The following CENPN variants were observed in gnomAD, a reference collection of about 807,000 sequenced individuals.
CENPN encodes centromere protein N, also known as interphase centromere complex protein 32.
In CENPN, 36 loss-of-function variants were observed where a neutral mutation model predicts 48.6. That is an observed-to-expected ratio of 0.74 (90% CI 0.57 to 0.98). The LOEUF is 0.98. CENPN is among the 50% of genes least tolerant of loss of function. The probability of loss-of-function intolerance (pLI) is 0.00; values close to 1 mark genes in which losing one functional copy is unlikely to be tolerated. For synonymous variants in CENPN, 166 were observed against 135.2 expected (o/e 1.23, Z -1.58); for missense variants, 439 against 399.2 (o/e 1.10, Z -0.85).
chr16:81,026,211 G>GTA (rs112948200), intron 8 of CENPN, among the ~76,000 whole-genome samples: 16,703 of 147,342 alleles, frequency 0.11, 994 homozygotes, highest in Admixed American at 0.16. Context: ...ATATGTGTGT[G>GTA]TATATATATA....
chr16:81,022,473 A>G (rs1000459321), intron 6 of CENPN, 124 bp from the exon 7 acceptor site: 3 of 787,770 alleles, frequency 3.8e-6, no homozygotes, highest in Non-Finnish European at 6.1e-6. Flanking sequence ...ATGTTTTTCT[A>G]GACTTCTTTT....
intron 8 of CENPN, among the ~76,000 whole-genome samples, chr16:81,026,105 GTATATATATA>G (rs1230932976): frequency 2.0e-3 from 293 of 143,876 alleles, no homozygotes; most frequent in Admixed American, 3.1e-3. Flanking sequence ...ATATGTGTGT[GTATATATATA>G]TGTATATATA....
chr16:81,020,686 G>C (rs1056416783), intron 6 of CENPN, among the ~76,000 whole-genome samples: 1 of 152,060 alleles, frequency 6.6e-6, no homozygotes, highest in Non-Finnish European at 1.5e-5. Flanking sequence ...CGATACAGAA[G>C]TCTCTAAAGA....
In CENPN at chr16:81,020,150, T is replaced by A; in HGVS notation, c.405T>A (p.Ile135=). 1 of 1,613,644 alleles carries A rather than the reference T, an allele frequency of 6.2e-7. No homozygotes were observed. The highest frequency in any genetic ancestry group is 8.5e-7 in the Non-Finnish European group (1 of 1,179,856). The change falls in exon 6 of 11, where the codon ATT becomes ATA. Residue 135 remains isoleucine, a synonymous_variant. Coordinates refer to ENST00000305850, the MANE Select transcript of CENPN (RefSeq NM_001100624.3). ...AGGAGAATGCAGTCTGGATTCGAAT[T>A]GCCTGGGGAACACAGTACACAAAGC... is the stretch of plus-strand genomic sequence containing the variant. ...ETEENAVWIR[I]AWGTQYTKPN...
chr16:81,026,342 A>C (rs997457027), intron 8 of CENPN, among the ~76,000 whole-genome samples, 184 bp from the exon 9 acceptor site: 1 of 151,508 alleles, frequency 6.6e-6, no homozygotes, highest in Non-Finnish European at 1.5e-5. Flanking sequence ...CTCTTTTATC[A>C]ACCTGTACTT....
At chr16:81,011,369 T>C (rs1232838119) in intron 1 of CENPN, among the ~76,000 whole-genome samples, 3 of 152,176 alleles carry the variant, frequency 2.0e-5, no homozygotes, top group Admixed American at 1.3e-4. Flanking sequence ...GTTGTTTCTC[T>C]CTCCCCACTA....
At chr16:81,021,519 A>G (rs34992819) in intron 6 of CENPN, among the ~76,000 whole-genome samples, 4,609 of 152,238 alleles carry the variant, frequency 0.03, 141 homozygotes, top group African/African-American at 0.076. Context: ...GTGGAGTACC[A>G]AGGACTCCAC....
intron 8 of CENPN, among the ~76,000 whole-genome samples, chr16:81,026,145 A>ATATATATGTGTG (rs1567555428): frequency 1.5e-4 from 22 of 142,002 alleles, no homozygotes; most frequent in African/African-American, 6.1e-4. Context: ...ATATATATGT[A>ATATATATGTGTG]TATATATATG....
Position 81,021,051 on chromosome 16 carries a change from C to T in CENPN, c.531+775C>T, listed in dbSNP as rs190150088. On this transcript the variant is annotated intron_variant, in intron 6 of 10. Coordinates refer to ENST00000305850, the MANE Select transcript of CENPN (RefSeq NM_001100624.3). ...AGGTTGCAGTGAGCCCATATCGCAC[C>T]ATTGCACTCCAGCCTGGGCAACGAG... 2.8e-3 allele frequency among the ~76,000 whole-genome samples: 429 copies of T among 151,116 alleles called. 2 individuals are homozygous for T. Among genetic ancestry groups the T allele is most frequent in the African/African-American group, 0.01 (413 of 41,146 alleles).
intron 7 of CENPN, chr16:81,023,039 G>A (rs1597101686): frequency 1.5e-6 from 1 of 658,394 alleles, no homozygotes; most frequent in East Asian, 3.5e-5. Context: ...AAACAACAGA[G>A]AAGTAGAATT....
chr16:81,013,737 C>T (rs377544914), intron 2 of CENPN, among the ~76,000 whole-genome samples: 1 of 151,680 alleles, frequency 6.6e-6, no homozygotes, highest in East Asian at 1.9e-4. Context: ...AAAAAAGAGA[C>T]ACGAGAAAAT....
At chr16:81,018,935 T>C (rs1315833361) in intron 5 of CENPN, among the ~76,000 whole-genome samples, 2 of 152,214 alleles carry the variant, frequency 1.3e-5, no homozygotes, top group Admixed American at 1.3e-4. Flanking sequence ...AAAGGGAAGC[T>C]GAATCAGAGG....
At position 81,030,017 on chromosome 16, in the gene CENPN, C is replaced by T. The variant is rs1193144116; in HGVS notation, c.*1366C>T. Among the ~76,000 whole-genome samples the T allele has an allele frequency of 1.3e-5, 2 of 152,164 alleles. No individual in the cohort carries two copies. The highest frequency in any genetic ancestry group is 1.9e-4 in the East Asian group (1 of 5,186). On this transcript the variant is annotated 3_prime_UTR_variant, in exon 11 of 11. Coordinates refer to ENST00000305850, the MANE Select transcript of CENPN (RefSeq NM_001100624.3). ...AAGTCATGTCTTACATGGCGGCAGG[C>T]AAGAGAGCTTGTGCAGGGAAACTCC...
rs961851947 is a variant in CENPN, at chr16:81,028,956, C to A, written c.*305C>A. 9.6e-7 allele frequency: 1 copy of A among 1,040,700 alleles called. No individual in the cohort carries two copies. The highest frequency in any genetic ancestry group is 1.2e-6 in the Non-Finnish European group (1 of 866,636). 64.5% of individuals were successfully genotyped at this position (1,040,700 alleles called of 1,614,324 possible). A position where few individuals can be genotyped will look rare whatever the true frequency, so the allele number is the denominator to read the frequency against. On this transcript the variant is annotated 3_prime_UTR_variant, in exon 11 of 11. Transcript: ENST00000305850. The stretch of plus-strand genomic sequence containing the variant: ...GAAATCAAGCATATGGCACAGCGCT[C>A]AAGACTTTTGGGTTTGTGTCCTTTT...
chr16:81,028,159 G>A lies in CENPN; in HGVS notation c.811-12G>A, dbSNP rs745674388. On this transcript the variant is annotated splice_polypyrimidine_tract_variant and intron_variant, in intron 9 of 10. Transcript: ENST00000305850. ...ATATGTTTAATAGTCATTTATAAAT[G>A]TTTGTTGACAGCTTGAAACGAAATT... 1.3e-6 allele frequency: 2 copies of A among 1,587,210 alleles called. No homozygotes were observed. Among genetic ancestry groups the A allele is most frequent in the Non-Finnish European group, 1.7e-6 (2 of 1,155,668 alleles).
In CENPN at chr16:81,029,012, A is replaced by C. The variant is rs1223001993; in HGVS notation, c.*361A>C. 1.2e-5 allele frequency: 12 copies of C among 994,836 alleles called. No individual in the cohort carries two copies. The highest frequency in any genetic ancestry group is 1.4e-5 in the Non-Finnish European group (12 of 836,658). 61.6% of individuals were successfully genotyped at this position (994,836 alleles called of 1,614,324 possible). Reference sequence around the variant, plus strand: ...TGGCTGTCTCTTCTCAATTCTGGAGAGGTCTGGTTCCAGTGGCTGGTTTCC... The same window carrying C: ...TGGCTGTCTCTTCTCAATTCTGGAGCGGTCTGGTTCCAGTGGCTGGTTTCC... On this transcript the variant is annotated 3_prime_UTR_variant, in exon 11 of 11. Transcript: ENST00000305850.
chr16:81,021,281 T>G (rs1333163127), intron 6 of CENPN, among the ~76,000 whole-genome samples: 1 of 152,194 alleles, frequency 6.6e-6, no homozygotes, highest in Non-Finnish European at 1.5e-5. Flanking sequence ...CCTGCTTCTC[T>G]TTATGGTTCT....
intron 5 of CENPN, 66 bp from the exon 6 acceptor site, chr16:81,020,034 C>T (rs772827328): frequency 3.4e-6 from 5 of 1,464,656 alleles, no homozygotes; most frequent in Non-Finnish European, 4.6e-6. Context: ...TAATAAGCAC[C>T]TGGAGTTGGT....
chr16:81,032,695 AATC>A, downstream of CENPN: 1 of 1,598,970 alleles, frequency 6.3e-7, no homozygotes, highest in Non-Finnish European at 8.5e-7. Context: ...AAGATGTTAA[AATC>A]ATGATGTCAC....
Sources: gnomAD v4.1 joint callset for allele counts (sites outside exome capture counted in the v4.1 genomes callset) on GRCh38, gnomAD v4.1.1 for gene constraint, MANE v1.5 for transcripts, NCBI Gene and HGNC (gene_info 2026-07-23, HGNC 2026-07-21) for gene names.